Variants in PSPC1 observed in about 807,000 individuals in gnomAD.
PSPC1 encodes the protein paraspeckle component 1.
Under a neutral mutation model 51.6 loss-of-function variants are expected in PSPC1, and 14 were observed. That is an observed-to-expected ratio of 0.27 (90% CI 0.18 to 0.42). The LOEUF is 0.42. Ranked by LOEUF, PSPC1 falls within the 10% of genes least tolerant of loss-of-function variation. PSPC1 has a pLI of 1.00. For missense variants in PSPC1, 406 were observed against 701.1 expected (o/e 0.58, Z 4.75); for synonymous variants, 193 against 231.9 (o/e 0.83, Z 1.53).
chr13:19,697,777 A>T (rs905458698), downstream of PSPC1, among the ~76,000 whole-genome samples: 2 of 152,128 alleles, frequency 1.3e-5, no homozygotes, highest in African/African-American at 4.8e-5. Context: ...TAAAAACACC[A>T]GGCAACATAT....
intron 6 of PSPC1, among the ~76,000 whole-genome samples, chr13:19,723,901 A>G (rs544760277): frequency 3.9e-4 from 60 of 152,326 alleles, no homozygotes; most frequent in Non-Finnish European, 7.5e-4. Context: ...AATGTCTGTT[A>G]TTATCCATTT....
intron 4 of PSPC1, among the ~76,000 whole-genome samples, chr13:19,745,573 G>C (rs762740287): frequency 1.5e-4 from 23 of 150,570 alleles, no homozygotes; most frequent in Non-Finnish European, 3.1e-4. Context: ...TTTTCTTTCA[G>C]TTTTTATTTT....
At chr13:19,716,376 C>T (rs2137820529) in intron 6 of PSPC1, among the ~76,000 whole-genome samples, 1 of 152,298 alleles carries the variant, frequency 6.6e-6, no homozygotes, top group South Asian at 2.1e-4. Flanking sequence ...TAAATAAAAA[C>T]TGCTTTAACT....
rs1453241951 is a variant in PSPC1 at position 19,703,063 on chromosome 13, T to G, written c.*112A>C. The G allele has an allele frequency of 2.8e-6, 2 of 705,758 alleles. No homozygotes were observed. Among genetic ancestry groups the G allele is most frequent in the Non-Finnish European group, 4.5e-6 (2 of 447,780 alleles). The allele number at this position is 705,758 out of a possible 1,614,324, so 43.7% of individuals were successfully genotyped here. Reference sequence around the variant, plus strand: ...TCAAGTTTTACAAAAAAAAAAAAACTTTTAAGTCTACATACATTAACAATA... The same window carrying G: ...TCAAGTTTTACAAAAAAAAAAAAACGTTTAAGTCTACATACATTAACAATA... On this transcript the variant is annotated 3_prime_UTR_variant, in exon 9 of 9. Transcript: ENST00000338910.
intron 6 of PSPC1, among the ~76,000 whole-genome samples, chr13:19,724,381 G>C (rs931561291): frequency 1.3e-5 from 2 of 152,040 alleles, no homozygotes; most frequent in African/African-American, 2.4e-5. Context: ...ATCAGGGAAA[G>C]TTAGGTTATG....
intron 7 of PSPC1, among the ~76,000 whole-genome samples, chr13:19,707,294 AG>A (rs1425714802): frequency 2.6e-5 from 4 of 152,344 alleles, no homozygotes; most frequent in African/African-American, 9.6e-5. Flanking sequence ...CAGTTAACTT[AG>A]AGCCTTACTT....
intron 8 of PSPC1, among the ~76,000 whole-genome samples, chr13:19,705,233 G>A (rs1392097584): frequency 1.3e-5 from 2 of 152,228 alleles, no homozygotes; most frequent in Non-Finnish European, 2.9e-5. Flanking sequence ...GGTGGCTCAC[G>A]CCTGTAATCC....
chr13:19,671,442 A>G (rs1352629796), downstream of PSPC1, among the ~76,000 whole-genome samples: 2 of 152,152 alleles, frequency 1.3e-5, no homozygotes, highest in Non-Finnish European at 2.9e-5. Flanking sequence ...ACCCTCTCTC[A>G]GTTTACAATG....
At chr13:19,757,775 C>A (rs1887228166) in intron 3 of PSPC1, among the ~76,000 whole-genome samples, 1 of 152,080 alleles carries the variant, frequency 6.6e-6, no homozygotes, top group African/African-American at 2.4e-5. Flanking sequence ...ACCCTTCATT[C>A]CTCCCCTGCA....
At chr13:19,733,632 G>A (rs9579671) in intron 5 of PSPC1, among the ~76,000 whole-genome samples, 15,475 of 151,612 alleles carry the variant, frequency 0.1, 924 homozygotes, top group African/African-American at 0.17. Context: ...GTGTGTTGGC[G>A]CACACCTGTA....
chr13:19,714,646 C>T (rs988905270), intron 6 of PSPC1, among the ~76,000 whole-genome samples: 2 of 151,954 alleles, frequency 1.3e-5, no homozygotes, highest in African/African-American at 4.8e-5. Context: ...AGGCAGATAC[C>T]ATCACGCCCA....
downstream of PSPC1, among the ~76,000 whole-genome samples, chr13:19,700,515 A>C (rs1455810764): frequency 6.6e-6 from 1 of 152,130 alleles, no homozygotes. Context: ...CAAGTGAATC[A>C]GTTTTTTAAA....
chr13:19,753,144 G>A (rs1170206519), intron 3 of PSPC1, among the ~76,000 whole-genome samples: 8 of 151,998 alleles, frequency 5.3e-5, no homozygotes, highest in African/African-American at 1.2e-4. Flanking sequence ...TCAGCCAGGC[G>A]TGGTGGCGGG....
chr13:19,679,920 T>TA (rs1274616607), intron 6 of PSPC1, among the ~76,000 whole-genome samples: 1 of 152,240 alleles, frequency 6.6e-6, no homozygotes, highest in Non-Finnish European at 1.5e-5. Flanking sequence ...AATATGTGAA[T>TA]ACTCAATTTA....
chr13:19,769,566 G>A (rs1191303684), intron 2 of PSPC1, among the ~76,000 whole-genome samples: 3 of 145,622 alleles, frequency 2.1e-5, no homozygotes, highest in South Asian at 2.2e-4. Flanking sequence ...AAAAAACCCC[G>A]TCTTACTAAA....
intron 3 of PSPC1, among the ~76,000 whole-genome samples, chr13:19,758,783 C>T (rs1261152169): frequency 6.6e-6 from 1 of 151,012 alleles, no homozygotes; most frequent in Non-Finnish European, 1.5e-5. Context: ...TGCAGTGAGC[C>T]GAGTTCACGC....
chr13:19,767,856 G>GA (rs1385501010), intron 2 of PSPC1, among the ~76,000 whole-genome samples: 1 of 152,030 alleles, frequency 6.6e-6, no homozygotes, highest in East Asian at 1.9e-4. Context: ...AACCATACAA[G>GA]AAAAAAATTG....
At chr13:19,759,927 C>CA (rs1011331257) in intron 2 of PSPC1, among the ~76,000 whole-genome samples, 2 of 150,402 alleles carry the variant, frequency 1.3e-5, no homozygotes, top group African/African-American at 4.9e-5. Flanking sequence ...TCAAAAGCCA[C>CA]AAAAAGATGA....
At chr13:19,681,354 C>T (rs1024764536) in intron 6 of PSPC1, among the ~76,000 whole-genome samples, 1 of 151,946 alleles carries the variant, frequency 6.6e-6, no homozygotes, top group Non-Finnish European at 1.5e-5. Context: ...CCTGAAGACA[C>T]AAGATCTACT....
Sources: allele counts gnomAD v4.1 joint callset (sites outside exome capture counted in the v4.1 genomes callset), GRCh38; gene constraint gnomAD v4.1.1; transcripts MANE v1.5; gene names NCBI Gene and HGNC (gene_info 2026-07-23, HGNC 2026-07-21).